The following ZNF676 variants were observed in gnomAD, a reference collection of about 807,000 sequenced individuals.
ZNF676 encodes zinc finger protein 676.
Under a neutral mutation model 6.0 loss-of-function variants are expected in ZNF676, and 4 were observed. The ratio of observed to expected loss-of-function variants is 0.67; its 90% confidence interval spans 0.33 to 1.53. The LOEUF is 1.53. Ranked by LOEUF, ZNF676 falls within the 40% of genes most tolerant of loss-of-function variation. The pLI is 0.06. For synonymous variants in ZNF676, 198 were observed against 223.1 expected, an observed-to-expected ratio of 0.89 and a Z score of 1.00; for missense variants, 644 against 679.7, an observed-to-expected ratio of 0.95 and a Z score of 0.58.
At chr19:22,200,330 CAAT>C, upstream of ZNF676, among the ~76,000 whole-genome samples, 1 of 151,894 alleles carries the variant, frequency 6.6e-6, no homozygotes. Flanking sequence ...ACAACTCTTC[CAAT>C]TATAAGTTCA....
Position 22,181,604 on chromosome 19 carries a change from TA to T in ZNF676, c.131-19del. ...ACATATAACTGAAAAGAAATAAAAATAACAAATTAATCTACATATTAGACTC... is the reference window on the plus strand; with the variant it reads ...ACATATAACTGAAAAGAAATAAAAATACAAATTAATCTACATATTAGACTC... On this transcript the variant is annotated intron_variant, in intron 2 of 2. Coordinates refer to ENST00000397121, the MANE Select transcript of ZNF676 (RefSeq NM_001001411.3). 6.7e-7 allele frequency: 1 copy of T among 1,494,240 alleles called. No homozygotes were observed. The highest frequency in any genetic ancestry group is 8.9e-7 in the Non-Finnish European group (1 of 1,124,776). The allele number at this position is 1,494,240 out of a possible 1,614,324, so 92.6% of individuals were successfully genotyped here.
intron 2 of ZNF676, 40 bp from the exon 3 acceptor site, chr19:22,181,626 G>A: frequency 7.0e-7 from 1 of 1,425,708 alleles, no homozygotes; most frequent in Non-Finnish European, 9.3e-7. Context: ...CTACATATTA[G>A]ACTCAGATAA....
chr19:22,229,664 C>T, the ZNF676 span, among the ~76,000 whole-genome samples: 1 of 152,024 alleles, frequency 6.6e-6, no homozygotes, highest in African/African-American at 2.4e-5. Flanking sequence ...AAGAGAAAAG[C>T]AACCCCATCA....
intron 1 of ZNF676, among the ~76,000 whole-genome samples, chr19:22,204,552 A>G (rs1459133750): frequency 3.3e-5 from 5 of 152,198 alleles, no homozygotes; most frequent in African/African-American, 1.2e-4. Flanking sequence ...TGTTCAGTTT[A>G]TACACTGAAC....
In ZNF676 at chr19:22,180,122, G is replaced by A; in HGVS notation, c.1595C>T (p.Pro532Leu). 6.2e-7 allele frequency: 1 copy of A among 1,613,070 alleles called. No homozygotes were observed. Among genetic ancestry groups the A allele is most frequent in the Admixed American group, 1.7e-5 (1 of 59,918 alleles). ...EHKIIHTGEKPYKCEECGKAF... is the reference protein window; with the variant it reads ...EHKIIHTGEKLYKCEECGKAF... ...TTTGCCACATTCTTCACATTTGTAG[G>A]GTTTCTCTCCAGTATGAATTATCTT... Residue 532 changes from proline (P) to leucine (L), a missense_variant, in exon 3 of 3, where the codon CCC (proline) becomes CTC (leucine). Transcript: ENST00000397121.
the ZNF676 span, among the ~76,000 whole-genome samples, chr19:22,255,307 T>C: frequency 1.3e-5 from 2 of 152,150 alleles, no homozygotes; most frequent in Non-Finnish European, 2.9e-5. Flanking sequence ...ATCTTTACTA[T>C]TGTCAGGGTG....
chr19:22,202,004 G>A (rs2024030802), intron 1 of ZNF676, among the ~76,000 whole-genome samples: 1 of 152,052 alleles, frequency 6.6e-6, no homozygotes, highest in African/African-American at 2.4e-5. Context: ...CTCTGACTTT[G>A]ATAACTAAAA....
the ZNF676 span, among the ~76,000 whole-genome samples, chr19:22,250,215 T>C: frequency 6.6e-6 from 1 of 151,202 alleles, no homozygotes; most frequent in Non-Finnish European, 1.5e-5. Context: ...GGGTTTGAAA[T>C]CAATAGTACA....
the ZNF676 span, among the ~76,000 whole-genome samples, chr19:22,232,259 C>T: frequency 6.6e-6 from 1 of 151,860 alleles, no homozygotes; most frequent in Non-Finnish European, 1.5e-5. Context: ...CTTCCACCTC[C>T]CAGGTTCAAG....
chr19:22,216,154 G>C (rs568363587), upstream of ZNF676, among the ~76,000 whole-genome samples: 1 of 152,172 alleles, frequency 6.6e-6, no homozygotes, highest in Admixed American at 6.5e-5. Context: ...AATACTAAAG[G>C]CTGGGTGCAG....
chr19:22,182,370 A>G (rs1301506642), intron 2 of ZNF676, among the ~76,000 whole-genome samples: 1 of 152,122 alleles, frequency 6.6e-6, no homozygotes, highest in Non-Finnish European at 1.5e-5. Context: ...AAATAGGGCA[A>G]TATAATCTTA....
At chr19:22,224,402 G>T in the ZNF676 span, among the ~76,000 whole-genome samples, 2 of 149,264 alleles carry the variant, frequency 1.3e-5, no homozygotes, top group Admixed American at 1.3e-4. Context: ...TTATATATTT[G>T]TGTGTTTTTA....
At chr19:22,186,833 C>T (rs531762830) in intron 2 of ZNF676, among the ~76,000 whole-genome samples, 6 of 151,788 alleles carry the variant, frequency 4.0e-5, no homozygotes, top group Non-Finnish European at 7.4e-5. Context: ...GAAGAGCTAA[C>T]TATCGTAAAT....
At chr19:22,229,737 CAT>C in the ZNF676 span, among the ~76,000 whole-genome samples, 5 of 152,164 alleles carry the variant, frequency 3.3e-5, no homozygotes, top group East Asian at 3.9e-4. Flanking sequence ...AGCCAACAAA[CAT>C]ATGAAAAAAA....
intron 2 of ZNF676, among the ~76,000 whole-genome samples, chr19:22,182,069 T>A (rs1816038848): frequency 6.6e-6 from 1 of 152,070 alleles, no homozygotes; most frequent in South Asian, 2.1e-4. Context: ...GAAATGAAAG[T>A]TTGAGCCTGC....
chr19:22,258,492 G>A, the ZNF676 span, among the ~76,000 whole-genome samples: 3 of 152,118 alleles, frequency 2.0e-5, no homozygotes, highest in Non-Finnish European at 4.4e-5. Context: ...CTAGGTGCTG[G>A]ACCTGGCAGT....
At chr19:22,240,850 C>T in the ZNF676 span, among the ~76,000 whole-genome samples, 2 of 151,912 alleles carry the variant, frequency 1.3e-5, no homozygotes, top group Admixed American at 6.6e-5. Flanking sequence ...TGTCCCAATC[C>T]CTCTGTGAGC....
the ZNF676 span, among the ~76,000 whole-genome samples, chr19:22,234,798 G>T: frequency 1.3e-5 from 2 of 152,118 alleles, no homozygotes; most frequent in South Asian, 4.2e-4. Context: ...GCCAGACGTA[G>T]TGGTGGGTGC....
chr19:22,219,381 G>A (rs1338975686), upstream of ZNF676, among the ~76,000 whole-genome samples: 1 of 152,094 alleles, frequency 6.6e-6, no homozygotes, highest in Non-Finnish European at 1.5e-5. Flanking sequence ...TTACAGGCTT[G>A]AGCCACTGCA....
Sources: gnomAD v4.1 joint callset for allele counts (sites outside exome capture counted in the v4.1 genomes callset) on GRCh38, gnomAD v4.1.1 for gene constraint, MANE v1.5 for transcripts, NCBI Gene and HGNC (gene_info 2026-07-23, HGNC 2026-07-21) for gene names.